SH3GL1: variants seen among roughly 807,000 people sequenced by gnomAD.
SH3GL1 encodes SH3 domain containing GRB2 like 1, endophilin A2.
SH3GL1 carries 21 observed loss-of-function variants against 48.8 expected under a neutral mutation model. The ratio of observed to expected loss-of-function variants is 0.43; its 90% confidence interval spans 0.30 to 0.62. SH3GL1 has a LOEUF of 0.62. Among genes scored for constraint, SH3GL1 ranks in the 20% least tolerant of loss-of-function variants. The probability of loss-of-function intolerance (pLI) is 0.11; values close to 1 mark genes in which losing one functional copy is unlikely to be tolerated. For missense variants in SH3GL1, 454 were observed against 503.0 expected, an observed-to-expected ratio of 0.90 and a Z score of 0.93; for synonymous variants, 282 against 217.5, an observed-to-expected ratio of 1.30 and a Z score of -2.61.
intron 4 of SH3GL1, chr19:4,364,591 C>G (rs141303425): frequency 3.7e-6 from 1 of 273,942 alleles, no homozygotes; most frequent in African/African-American, 2.2e-5. Context: ...CCACCACATC[C>G]AGCTAATTTT....
chr19:4,370,818 G>A lies in SH3GL1; in HGVS notation c.46-3824C>T, dbSNP rs367894063. ...GACCAGGGCTGAGAAGTCACTATGG[G>A]AGAGGCCCCGGCTCAGTCAGGCCTG... is the stretch of plus-strand genomic sequence containing the variant. On this transcript the variant is annotated intron_variant, in intron 1 of 9. Coordinates refer to ENST00000269886, the MANE Select transcript of SH3GL1 (RefSeq NM_003025.4). Among the ~76,000 whole-genome samples, 35 of 152,352 alleles carry A rather than the reference G, an allele frequency of 2.3e-4. No homozygotes were observed. In the South Asian group the frequency reaches 5.4e-3, roughly 23 times the overall value.
At chr19:4,364,404 G>C in intron 4 of SH3GL1, 183 bp from the exon 5 acceptor site, 1 of 677,330 alleles carries the variant, frequency 1.5e-6, no homozygotes, top group Non-Finnish European at 2.5e-6. Context: ...CAAGTAGCCG[G>C]GACCACAGGC....
chr19:4,399,014 T>C (rs1014225111), intron 1 of SH3GL1, among the ~76,000 whole-genome samples: 1 of 152,124 alleles, frequency 6.6e-6, no homozygotes. Flanking sequence ...TGAAATACAA[T>C]GTACCCATTA....
At chr19:4,363,220 G>GC in intron 7 of SH3GL1, 150 bp downstream of exon 7, 1 of 665,824 alleles carries the variant, frequency 1.5e-6, no homozygotes. Context: ...TGACCTCGCG[G>GC]CCCCCCAGGC....
At chr19:4,364,866 TTGTGTGTGTGTGTGTGTG>T (rs373324973) in intron 4 of SH3GL1, among the ~76,000 whole-genome samples, 2 of 97,162 alleles carry the variant, frequency 2.1e-5, no homozygotes, top group Non-Finnish European at 1.8e-5. Flanking sequence ...ACCCGGCTAA[TTGTGTGTGTGTGTGTGTG>T]TGTGTGTGTG....
chr19:4,362,509 TGCACCCAGGAGTCTGGCGCTCAG>T, intron 8 of SH3GL1, 80 bp downstream of exon 8: 1 of 1,583,096 alleles, frequency 6.3e-7, no homozygotes, highest in Non-Finnish European at 8.6e-7. Context: ...GGCTGAGAGC[TGCACCCAGGAGTCTGGCGCTCAG>T]AGACCCAGGA....
intron 1 of SH3GL1, among the ~76,000 whole-genome samples, chr19:4,392,059 G>C (rs1478492159): frequency 6.6e-6 from 1 of 152,194 alleles, no homozygotes; most frequent in African/African-American, 2.4e-5. Flanking sequence ...GGGGCTTCCG[G>C]AGGTCAGCCT....
chr19:4,361,866 C>T (rs1441560415), intron 9 of SH3GL1, 70 bp from the exon 10 acceptor site: 3 of 1,120,508 alleles, frequency 2.7e-6, no homozygotes, highest in Admixed American at 3.6e-5. Context: ...GGTCTCAGAC[C>T]TGCTGTGACC....
chr19:4,376,986 G>A lies in SH3GL1; in HGVS notation c.46-9992C>T, dbSNP rs1022844593. 6.6e-6 allele frequency among the ~76,000 whole-genome samples: 1 copy of A among 152,228 alleles called. No individual in the cohort carries two copies. The highest frequency in any genetic ancestry group is 2.4e-5 in the African/African-American group (1 of 41,464). Reference sequence around the variant, plus strand: ...ACTCCCCGCAGTGACCCGGAAGGCAGCCAGATGATACTCCTCCCATCACCT... The same window carrying A: ...ACTCCCCGCAGTGACCCGGAAGGCAACCAGATGATACTCCTCCCATCACCT... On this transcript the variant is annotated intron_variant, in intron 1 of 9. Transcript: ENST00000269886. The surrounding 1 kb of genome is among the most constrained non-coding windows in gnomAD (Gnocchi z 4.3).
At position 4,362,342 on chromosome 19, in the gene SH3GL1, A is replaced by G. The variant is rs1972641676; in HGVS notation, c.897T>C (p.Pro299=). 6.2e-7 allele frequency: 1 copy of G among 1,612,256 alleles called. No individual in the cohort carries two copies. Among genetic ancestry groups the G allele is most frequent in the East Asian group, 2.2e-5 (1 of 44,842 alleles). ...GGGAACACTCACGCATGCTCCGGCTAGGGGTCCGGATGGGCTTGTCGGAAG... is the reference window on the plus strand; with the variant it reads ...GGGAACACTCACGCATGCTCCGGCTGGGGGTCCGGATGGGCTTGTCGGAAG... ...FRSSDKPIRT[P]SRSMPPLDQP... The change falls in exon 9 of 10, where the codon CCT becomes CCC. Residue 299 remains proline, a synonymous_variant. Transcript: ENST00000269886.
chr19:4,386,190 G>A (rs1973231522), intron 1 of SH3GL1, among the ~76,000 whole-genome samples: 1 of 152,210 alleles, frequency 6.6e-6, no homozygotes, highest in Admixed American at 6.5e-5. Context: ...GGACTCTGAT[G>A]AGTGAGGCTG....
chr19:4,389,321 C>T lies in SH3GL1; in HGVS notation c.45+11003G>A, dbSNP rs979948575. On this transcript the variant is annotated intron_variant, in intron 1 of 9. Coordinates refer to ENST00000269886, the MANE Select transcript of SH3GL1 (RefSeq NM_003025.4). The surrounding 1 kb of genome is among the most constrained non-coding windows in gnomAD (Gnocchi z 4.5). ...GGCCAGAAGCTCCAAGGGCTGAGAACTCAGTTCCCACATGCATCCCCGGAA... is the reference window on the plus strand; with the variant it reads ...GGCCAGAAGCTCCAAGGGCTGAGAATTCAGTTCCCACATGCATCCCCGGAA... 6.6e-6 allele frequency among the ~76,000 whole-genome samples: 1 copy of T among 152,198 alleles called. No homozygotes were observed. Among genetic ancestry groups the T allele is most frequent in the African/African-American group, 2.4e-5 (1 of 41,452 alleles).
chr19:4,384,185 C>T (rs1973191284), intron 1 of SH3GL1, among the ~76,000 whole-genome samples: 1 of 152,180 alleles, frequency 6.6e-6, no homozygotes, highest in Non-Finnish European at 1.5e-5. Context: ...GGGGATGTTA[C>T]ATCCGTGAGG....
chr19:4,363,634 GAT>G, intron 6 of SH3GL1, 84 bp downstream of exon 6: 19 of 1,562,214 alleles, frequency 1.2e-5, no homozygotes, highest in Non-Finnish European at 1.6e-5. Flanking sequence ...GGTAGGTGCC[GAT>G]CTGTCCTCCA....
At chr19:4,366,864 C>T in intron 2 of SH3GL1, 62 bp downstream of exon 2, 1 of 1,542,884 alleles carries the variant, frequency 6.5e-7, no homozygotes, top group South Asian at 1.1e-5. Flanking sequence ...CTCCACTATG[C>T]CCGGCAGAGG....
At chr19:4,399,342 A>AAAAAAAAC (rs1973479005) in intron 1 of SH3GL1, among the ~76,000 whole-genome samples, 3 of 148,938 alleles carry the variant, frequency 2.0e-5, no homozygotes, top group Non-Finnish European at 3.0e-5. Flanking sequence ...AAAAAAAAAA[A>AAAAAAAAC]TCCAAGAAGT....
intron 4 of SH3GL1, 104 bp from the exon 5 acceptor site, chr19:4,364,325 G>T (rs113643244): frequency 6.9e-7 from 1 of 1,446,178 alleles, no homozygotes; most frequent in Non-Finnish European, 9.6e-7. Flanking sequence ...AGGCTGGAAC[G>T]CAGTGGCGCT....
rs751683510 is a variant in SH3GL1, at chr19:4,365,622, G to A, written c.191C>T (p.Ser64Leu). The change falls in exon 4 of 10, where the codon TCG becomes TTG. Residue 64 changes from serine to leucine, a missense_variant. Transcript: ENST00000269886. ...GTTGAGCATGGTCAGCTTAGCCCGC[G>A]AGGCTGGGATAGGATGGCCAGGTGG... ...TIEYLQPNPASRAKLTMLNTV... is the reference protein window; with the variant it reads ...TIEYLQPNPALRAKLTMLNTV... 18 of 1,613,984 alleles carry A rather than the reference G, an allele frequency of 1.1e-5. No homozygotes were observed. The highest frequency in any genetic ancestry group is 1.4e-5 in the Non-Finnish European group (17 of 1,180,026).
chr19:4,369,509 C>T (rs1048363682), intron 1 of SH3GL1, among the ~76,000 whole-genome samples: 10 of 152,226 alleles, frequency 6.6e-5, no homozygotes, highest in Non-Finnish European at 1.5e-4. Context: ...CTTCCCCAGC[C>T]CCCTGCCTCT....
Sources: gnomAD v4.1 joint callset for allele counts (sites outside exome capture counted in the v4.1 genomes callset) on GRCh38, gnomAD v4.1.1 for gene constraint, Gnocchi (gnomAD v3.1) non-coding constraint, MANE v1.5 for transcripts, NCBI Gene and HGNC (gene_info 2026-07-23, HGNC 2026-07-21) for gene names.